The following ADCY2 variants were observed in gnomAD, a reference collection of about 807,000 sequenced individuals.
The protein encoded by ADCY2 is adenylate cyclase type 2.
A neutral mutation model predicts 125.2 loss-of-function variants in ADCY2; 31 were observed. That is an observed-to-expected ratio of 0.25 (90% CI 0.19 to 0.33). The LOEUF (loss-of-function observed/expected upper bound fraction) is 0.33. ADCY2 is among the 10% of genes least tolerant of loss of function. The pLI, the probability that ADCY2 is intolerant of heterozygous loss-of-function variation, is 1.00. For missense variants in ADCY2, 904 were observed against 1,418.2 expected, an observed-to-expected ratio of 0.64 and a Z score of 5.82; for synonymous variants, 512 against 548.4, an observed-to-expected ratio of 0.93 and a Z score of 0.93.
At chr5:7,748,473 G>A (rs1435492610) in intron 15 of ADCY2, among the ~76,000 whole-genome samples, 1 of 151,500 alleles carries the variant, frequency 6.6e-6, no homozygotes, top group Non-Finnish European at 1.5e-5. Flanking sequence ...ACTTAAGTGA[G>A]TTTTTATTTC....
intron 3 of ADCY2, among the ~76,000 whole-genome samples, chr5:7,559,306 A>T (rs1735633146): frequency 1.3e-5 from 2 of 152,196 alleles, no homozygotes; most frequent in South Asian, 4.1e-4. Context: ...CCTATCCAGA[A>T]GCATGGAATG....
intron 4 of ADCY2, among the ~76,000 whole-genome samples, chr5:7,668,985 A>G (rs963965469): frequency 6.6e-6 from 1 of 152,238 alleles, no homozygotes; most frequent in Non-Finnish European, 1.5e-5. Flanking sequence ...CTATATTGAA[A>G]TGTGCCTGGT....
chr5:7,513,209 A>G (rs1438584690), intron 2 of ADCY2, among the ~76,000 whole-genome samples: 1 of 152,178 alleles, frequency 6.6e-6, no homozygotes, highest in African/African-American at 2.4e-5. Flanking sequence ...GTAATCATAA[A>G]GAGATACTCA....
chr5:7,487,723 G>A (rs1579493986), intron 2 of ADCY2, among the ~76,000 whole-genome samples: 1 of 152,294 alleles, frequency 6.6e-6, no homozygotes, highest in East Asian at 1.9e-4. Flanking sequence ...TGTTGTCTGA[G>A]GTCATGGTGC....
intron 3 of ADCY2, among the ~76,000 whole-genome samples, chr5:7,559,299 A>T (rs1735632764): frequency 6.6e-6 from 1 of 152,176 alleles, no homozygotes; most frequent in Non-Finnish European, 1.5e-5. Flanking sequence ...GATTCTTCCT[A>T]TCCAGAAGCA....
chr5:7,544,451 C>T (rs576082180), intron 3 of ADCY2, among the ~76,000 whole-genome samples: 1 of 152,294 alleles, frequency 6.6e-6, no homozygotes, highest in East Asian at 1.9e-4. Context: ...CCACCCCTTT[C>T]TTCTACCCTC....
At chr5:7,705,290 C>T (rs1382176537) in intron 7 of ADCY2, among the ~76,000 whole-genome samples, 1 of 152,188 alleles carries the variant, frequency 6.6e-6, no homozygotes. Context: ...GTAAACAATC[C>T]ACTTGGAGAT....
intron 2 of ADCY2, among the ~76,000 whole-genome samples, chr5:7,467,307 A>G (rs555620117): frequency 6.6e-6 from 1 of 152,278 alleles, no homozygotes; most frequent in Admixed American, 6.5e-5. Flanking sequence ...TCAGCCAACT[A>G]TGTTTTTATC....
At chr5:7,680,198 A>G (rs550249721) in intron 4 of ADCY2, among the ~76,000 whole-genome samples, 18 of 152,246 alleles carry the variant, frequency 1.2e-4, no homozygotes, top group African/African-American at 4.3e-4. Context: ...AGCAGTCTGG[A>G]TTGTCATAAA....
chr5:7,532,190 C>T (rs757372227), intron 3 of ADCY2, among the ~76,000 whole-genome samples: 24 of 152,324 alleles, frequency 1.6e-4, no homozygotes, highest in Non-Finnish European at 3.2e-4. Flanking sequence ...TCTTGCCGGA[C>T]GATTGCAGAT....
At chr5:7,665,648 A>G (rs1739687375) in intron 4 of ADCY2, among the ~76,000 whole-genome samples, 1 of 151,520 alleles carries the variant, frequency 6.6e-6, no homozygotes, top group African/African-American at 2.4e-5. Context: ...CTTGAACCCA[A>G]CTGGTCTCTC....
chr5:7,761,872 A>G (rs749601494), intron 16 of ADCY2, among the ~76,000 whole-genome samples: 5 of 152,230 alleles, frequency 3.3e-5, no homozygotes, highest in Non-Finnish European at 7.3e-5. Context: ...CTTTAGAGAG[A>G]GAACACCTGC....
At position 7,829,271 on chromosome 5, in the gene ADCY2, G is replaced by A. The variant is rs551015281; in HGVS notation, c.*2400G>A. On this transcript the variant is annotated 3_prime_UTR_variant, in exon 25 of 25. Transcript: ENST00000338316. Reference sequence around the variant, plus strand: ...GGTTCTCCAGGTGATTCTGATCCCTGATCAAGCTTCAGACCTCCCTCCCTC... The same window carrying A: ...GGTTCTCCAGGTGATTCTGATCCCTAATCAAGCTTCAGACCTCCCTCCCTC... The A allele has an allele frequency of 2.6e-5, 4 of 152,782 alleles. No homozygotes were observed. In the East Asian group the frequency reaches 7.7e-4, roughly 29 times the overall value. 9.5% of individuals were successfully genotyped at this position (152,782 alleles called of 1,614,324 possible). A position where few individuals can be genotyped will look rare whatever the true frequency, so the allele number is the denominator to read the frequency against.
chr5:7,812,650 G>A (rs1744982060), intron 22 of ADCY2, among the ~76,000 whole-genome samples: 1 of 152,228 alleles, frequency 6.6e-6, no homozygotes, highest in Non-Finnish European at 1.5e-5. Context: ...GCTCGTGCCT[G>A]TAATCCCAGC....
rs762187513 is a variant in ADCY2, at chr5:7,692,424, G to A, written c.869+1585G>A. On this transcript the variant is annotated intron_variant, in intron 5 of 24. Transcript: ENST00000338316. The stretch of plus-strand genomic sequence containing the variant: ...GTATGAATGGCAACTAAGGAAGCAC[G>A]ACTGGATGGATACATGATAGTAAAA... Among the ~76,000 whole-genome samples, 3 of 152,180 alleles carry A rather than the reference G, an allele frequency of 2.0e-5. No homozygotes were observed. The South Asian group carries it at 6.2e-4, about 31-fold the overall frequency.
rs1273835405 is a variant in ADCY2 at position 7,452,211 on chromosome 5, C to A, written c.408+37441C>A. Among the ~76,000 whole-genome samples the A allele has an allele frequency of 2.0e-5, 3 of 152,244 alleles. No homozygotes were observed. In the East Asian group the frequency reaches 5.8e-4, roughly 29 times the overall value. ...TACAGGCATGAGCAACCGTGCCCGG[C>A]CCCCAATGTGTAGTTTTTTAATCCC... On this transcript the variant is annotated intron_variant, in intron 2 of 24. Transcript: ENST00000338316.
chr5:7,468,000 T>G (rs899569026), intron 2 of ADCY2, among the ~76,000 whole-genome samples: 7 of 152,280 alleles, frequency 4.6e-5, no homozygotes, highest in Middle Eastern at 3.4e-3. Context: ...AGAAGAACAG[T>G]CAAATGAACT....
intron 20 of ADCY2, chr5:7,795,815 T>C (rs970589860): frequency 2.0e-5 from 3 of 152,204 alleles, no homozygotes; most frequent in Non-Finnish European, 4.4e-5. Flanking sequence ...CATGTGAAGA[T>C]TGTTTACACT....
chr5:7,567,170 C>G (rs993046467), intron 3 of ADCY2, among the ~76,000 whole-genome samples: 1 of 152,064 alleles, frequency 6.6e-6, no homozygotes, highest in African/African-American at 2.4e-5. Flanking sequence ...TATTGCTTAC[C>G]ATTTTATTGC....
Sources: allele counts gnomAD v4.1 joint callset (sites outside exome capture counted in the v4.1 genomes callset), GRCh38; gene constraint gnomAD v4.1.1; transcripts MANE v1.5; gene names NCBI Gene and HGNC (gene_info 2026-07-23, HGNC 2026-07-21).